PCDHGA1: variants seen among roughly 807,000 people sequenced by gnomAD.
PCDHGA1 encodes protocadherin gamma subfamily A, 1.
In PCDHGA1, 32 loss-of-function variants were observed where a neutral mutation model predicts 58.0. That is an observed-to-expected ratio of 0.55 (90% confidence interval 0.42 to 0.74). The LOEUF is 0.74. Among genes scored for constraint, PCDHGA1 ranks in the 30% least tolerant of loss-of-function variants. PCDHGA1 has a pLI of 0.00. For synonymous variants in PCDHGA1, 498 were observed against 501.1 expected, an observed-to-expected ratio of 0.99 and a Z score of 0.08; for missense variants, 1,205 against 1,182.3, an observed-to-expected ratio of 1.02 and a Z score of -0.28.
At chr5:141,450,986 G>A (rs950903600) in intron 1 of PCDHGA1, among the ~76,000 whole-genome samples, 15 of 151,310 alleles carry the variant, frequency 9.9e-5, no homozygotes, top group Non-Finnish European at 1.3e-4. Context: ...CACCACACCC[G>A]GCTAATTTTT....
At chr5:141,385,514 G>C (rs928847931) in intron 1 of PCDHGA1, 3 of 1,363,488 alleles carry the variant, frequency 2.2e-6, no homozygotes, top group Non-Finnish European at 2.8e-6. Context: ...TTTAGTGAAA[G>C]CCTATGGACA....
chr5:141,355,244 A>G lies in PCDHGA1; in HGVS notation c.2421+22139A>G, dbSNP rs200737190. 1.0e-4 allele frequency: 169 copies of G among 1,613,114 alleles called. No homozygotes were observed. The African/African-American group carries it at 2.1e-3, about 20-fold the overall frequency. ...CGCCCAGACCACACCCGGCTGCTCC[A>G]GATCTGCCTTCTCCTGGGGGTTCTG... is the stretch of plus-strand genomic sequence containing the variant. On this transcript the variant is annotated intron_variant, in intron 1 of 3. Coordinates refer to ENST00000517417, the MANE Select transcript of PCDHGA1 (RefSeq NM_018912.3).
chr5:141,360,486 C>T, intron 1 of PCDHGA1: 1 of 1,613,944 alleles, frequency 6.2e-7, no homozygotes, highest in Non-Finnish European at 8.5e-7. Context: ...TAAATATTTT[C>T]TACATAGCAG....
rs1283743425 is a variant in PCDHGA1 at position 141,332,455 on chromosome 5, G to T, written c.1771G>T (p.Val591Leu). The T allele has an allele frequency of 1.2e-6, 2 of 1,613,840 alleles. No individual in the cohort carries two copies. Among genetic ancestry groups the T allele is most frequent in the Non-Finnish European group, 1.7e-6 (2 of 1,180,044 alleles). The change falls in exon 1 of 4, where the codon GTG (valine) becomes TTG (leucine). Residue 591 changes from valine (V) to leucine (L), a missense_variant. By Grantham distance (32) the Val-to-Leu change is conservative. Transcript: ENST00000517417. This position sits in a 1 kb window ranked among gnomAD's most constrained non-coding sequence, Gnocchi z 4.6. Reference sequence around the variant, plus strand: ...AGAGCCCGGCTACCTGGTGACCAAGGTGGTGGCGGTGGACAGAGACTCGGG... The same window carrying T: ...AGAGCCCGGCTACCTGGTGACCAAGTTGGTGGCGGTGGACAGAGACTCGGG... Reference protein sequence around the residue: ...SAEPGYLVTKVVAVDRDSGQN... With the variant: ...SAEPGYLVTKLVAVDRDSGQN...
rs748972821 is a variant in PCDHGA1 at position 141,476,094 on chromosome 5, GAGAGGAACT to G, written c.2422-18712_2422-18704del. ...TCTCAGGGACGATCTGGACCCCGCT[GAGAGGAACT>G]GCTTTTGAGTGAGATGGTCCCAGAG... is the stretch of plus-strand genomic sequence containing the variant. On this transcript the variant is annotated intron_variant, in intron 1 of 3. Coordinates refer to ENST00000517417, the MANE Select transcript of PCDHGA1 (RefSeq NM_018912.3). This position sits in a 1 kb window ranked among gnomAD's most constrained non-coding sequence, Gnocchi z 7.6. 6.4e-7 allele frequency: 1 copy of G among 1,568,172 alleles called. No individual in the cohort carries two copies. The highest frequency in any genetic ancestry group is 1.2e-5 in the South Asian group (1 of 85,292).
In PCDHGA1 at chr5:141,433,363, CTATCT is replaced by C. The variant is rs2097590943; in HGVS notation, c.2422-61443_2422-61439del. On this transcript the variant is annotated intron_variant, in intron 1 of 3. Transcript: ENST00000517417. ...TGCAAGCCACCTACTGTCTGCCTAT[CTATCT>C]ATCTATCTATCTATCTATCTATCTA... 4 of 463,386 alleles carry C rather than the reference CTATCT, an allele frequency of 8.6e-6. No homozygotes were observed. The African/African-American group carries it at 1.1e-4, about 13-fold the overall frequency. 28.7% of individuals were successfully genotyped at this position (463,386 alleles called of 1,614,324 possible). A position where few individuals can be genotyped will look rare whatever the true frequency, so the allele number is the denominator to read the frequency against.
rs779292483 is a variant in PCDHGA1 at position 141,491,102 on chromosome 5, T to C, written c.2422-3705T>C. The C allele has an allele frequency of 6.2e-7, 1 of 1,614,152 alleles. No individual in the cohort carries two copies. Among genetic ancestry groups the C allele is most frequent in the Non-Finnish European group, 8.5e-7 (1 of 1,180,006 alleles). ...TCCACAGCCCCAGGACTGTTCCTCG[T>C]GTCTACACACACTGGTGAGGTGCGC... On this transcript the variant is annotated intron_variant, in intron 1 of 3. Transcript: ENST00000517417. This position sits in a 1 kb window ranked among gnomAD's most constrained non-coding sequence, Gnocchi z 6.9.
intron 1 of PCDHGA1, chr5:141,351,673 C>G (rs746872217): frequency 1.9e-6 from 3 of 1,614,004 alleles, no homozygotes; most frequent in East Asian, 2.2e-5. Context: ...CACAAGTAAG[C>G]GCCTCCGACC....
intron 1 of PCDHGA1, chr5:141,389,469 A>G: frequency 6.2e-7 from 1 of 1,613,246 alleles, no homozygotes; most frequent in Non-Finnish European, 8.5e-7. Flanking sequence ...CTTCGAACTC[A>G]CACTGCAGGC....
intron 1 of PCDHGA1, chr5:141,366,133 C>T (rs777240886): frequency 1.9e-6 from 3 of 1,614,216 alleles, no homozygotes; most frequent in Non-Finnish European, 2.5e-6. Context: ...CAGGCCAGAA[C>T]GCCTGGCTGT....
At chr5:141,405,931 C>CT (rs1439525242) in intron 1 of PCDHGA1, among the ~76,000 whole-genome samples, 2 of 152,062 alleles carry the variant, frequency 1.3e-5, no homozygotes, top group Non-Finnish European at 2.9e-5. Context: ...GCTGATATAA[C>CT]TTTCATGTTC....
chr5:141,364,767 C>T (rs868142397), intron 1 of PCDHGA1: 1 of 1,613,876 alleles, frequency 6.2e-7, no homozygotes, highest in Non-Finnish European at 8.5e-7. Flanking sequence ...AATGAAAATG[C>T]GGCTGCAGGG....
At chr5:141,387,791 A>T in intron 1 of PCDHGA1, 1 of 1,492,120 alleles carries the variant, frequency 6.7e-7, no homozygotes, top group Non-Finnish European at 8.9e-7. Context: ...AACTGCAACT[A>T]AAGTCCGTTC....
chr5:141,402,369 A>C (rs1281295306), intron 1 of PCDHGA1, among the ~76,000 whole-genome samples: 1 of 152,066 alleles, frequency 6.6e-6, no homozygotes, highest in Non-Finnish European at 1.5e-5. Context: ...ACTTCCAAAC[A>C]AGATTGCACA....
chr5:141,471,080 C>T (rs2099249652), intron 1 of PCDHGA1, among the ~76,000 whole-genome samples: 1 of 147,610 alleles, frequency 6.8e-6, no homozygotes, highest in African/African-American at 2.5e-5. Context: ...ACAGGGTCTC[C>T]CTCTGTTGTC....
At position 141,487,578 on chromosome 5, in the gene PCDHGA1, C is replaced by T. The variant is rs1293087014; in HGVS notation, c.2422-7229C>T. The T allele has an allele frequency of 1.2e-6, 2 of 1,614,052 alleles. No individual in the cohort carries two copies. Among genetic ancestry groups the T allele is most frequent in the Non-Finnish European group, 1.7e-6 (2 of 1,180,044 alleles). ...CCTATGGCAGGGGAGCCTGTTCGCC[C>T]AAGCTGCCCACCCTCTGATCTTCTC... On this transcript the variant is annotated intron_variant, in intron 1 of 3. Coordinates refer to ENST00000517417, the MANE Select transcript of PCDHGA1 (RefSeq NM_018912.3). The surrounding 1 kb of genome is among the most constrained non-coding windows in gnomAD (Gnocchi z 5.0).
At chr5:141,392,303 A>G (rs2092505903) in intron 1 of PCDHGA1, 1 of 151,852 alleles carries the variant, frequency 6.6e-6, no homozygotes, top group South Asian at 2.1e-4. Context: ...TGAAAGTATC[A>G]TGTTTTTTTT....
Position 141,331,156 on chromosome 5 carries a change from C to G in PCDHGA1, c.472C>G (p.Gln158Glu), listed in dbSNP as rs1164027310. The change falls in exon 1 of 4, where the codon CAA (glutamine) becomes GAA (glutamate). Residue 158 changes from glutamine to glutamate, a missense_variant. Physicochemically the swap from Gln to Glu is conservative, Grantham distance 29 (BLOSUM62 2). Coordinates refer to ENST00000517417, the MANE Select transcript of PCDHGA1 (RefSeq NM_018912.3). ...TACCAGAGTCTCATTGCCTTTTGGG[C>G]AAGACCTTGATGTGGGTATGAACTC... ...PGTRVSLPFGQDLDVGMNSLQ... is the reference protein window; with the variant it reads ...PGTRVSLPFGEDLDVGMNSLQ... 1.2e-6 allele frequency: 2 copies of G among 1,614,128 alleles called. No homozygotes were observed. The highest frequency in any genetic ancestry group is 2.2e-5 in the South Asian group (2 of 91,082).
At chr5:141,364,907 G>A (rs779210025) in intron 1 of PCDHGA1, 37 of 1,613,968 alleles carry the variant, frequency 2.3e-5, no homozygotes, top group Non-Finnish European at 3.1e-5. Flanking sequence ...AAAGTATCCG[G>A]AGCTGGTGTT....
Sources: gnomAD v4.1 joint callset for allele counts (sites outside exome capture counted in the v4.1 genomes callset) on GRCh38, gnomAD v4.1.1 for gene constraint, Gnocchi (gnomAD v3.1) non-coding constraint, MANE v1.5 for transcripts, NCBI Gene and HGNC (gene_info 2026-07-23, HGNC 2026-07-21) for gene names.